Variants in IL1RAPL2 observed in about 807,000 individuals in gnomAD.
IL1RAPL2 encodes interleukin 1 receptor accessory protein like 2.
A neutral mutation model predicts 44.1 loss-of-function variants in IL1RAPL2; 3 were observed. The observed-to-expected ratio is 0.07, with a 90% CI of 0.03 to 0.18. The LOEUF is 0.18. Among genes scored for constraint, IL1RAPL2 ranks in the 10% least tolerant of loss-of-function variants. The pLI, the probability that IL1RAPL2 is intolerant of heterozygous loss-of-function variation, is 1.00. For synonymous variants in IL1RAPL2, 181 were observed against 178.8 expected (o/e 1.01, Z -0.10); for missense variants, 391 against 496.4 (o/e 0.79, Z 2.02).
chrX:104,792,283 A>AT (rs997417891), intron 2 of IL1RAPL2, among the ~76,000 whole-genome samples: 18 of 110,694 alleles, frequency 1.6e-4, no homozygotes, highest in African/African-American at 4.3e-4. Flanking sequence ...ATATTATGTG[A>AT]TTTTTCCCCA....
chrX:104,916,267 C>T (rs918121169), intron 2 of IL1RAPL2, among the ~76,000 whole-genome samples: 8 of 111,650 alleles, frequency 7.2e-5, no homozygotes, highest in African/African-American at 2.6e-4. Context: ...TGTAGTTCTC[C>T]TTGAAGAGGT....
At chrX:104,943,098 G>A (rs939170936) in intron 2 of IL1RAPL2, among the ~76,000 whole-genome samples, 19 of 111,359 alleles carry the variant, frequency 1.7e-4, no homozygotes, top group African/African-American at 5.2e-4. Context: ...CGGTTTGCCA[G>A]TATTTTATTG....
intron 4 of IL1RAPL2, among the ~76,000 whole-genome samples, chrX:105,253,819 G>T (rs1169294866): frequency 6.3e-5 from 7 of 111,704 alleles, no homozygotes; most frequent in Non-Finnish European, 1.3e-4. Context: ...TTCATTCCCT[G>T]CATTAGTTTG....
At chrX:104,848,829 T>C (rs1922138568) in intron 2 of IL1RAPL2, among the ~76,000 whole-genome samples, 1 of 110,538 alleles carries the variant, frequency 9.0e-6, no homozygotes, top group Non-Finnish European at 1.9e-5. Context: ...TTTAGTTTTT[T>C]AAATAAAATT....
chrX:104,687,352 G>C (rs758738159), intron 2 of IL1RAPL2, among the ~76,000 whole-genome samples: 3 of 111,848 alleles, frequency 2.7e-5, no homozygotes, highest in Non-Finnish European at 5.6e-5. Context: ...ACATCACACA[G>C]CCAGAGAGGA....
rs2033724676 is a variant in IL1RAPL2, at chrX:105,202,354, C to CAATCTTAA, written c.356+6607_356+6614dup. Among the ~76,000 whole-genome samples the CAATCTTAA allele has an allele frequency of 2.7e-5, 3 of 112,444 alleles. No homozygotes were observed. In the South Asian group the frequency reaches 1.1e-3, roughly 41 times the overall value. On this transcript the variant is annotated intron_variant, in intron 3 of 10. Coordinates refer to ENST00000372582, the MANE Select transcript of IL1RAPL2 (RefSeq NM_017416.2). The stretch of plus-strand genomic sequence containing the variant: ...TAGTTTAATCCCTTGTATAATTACA[C>CAATCTTAA]AATCTTAAGTGACTTGGTTTTATGG...
chrX:105,496,742 TAGTC>T (rs1408208236), intron 6 of IL1RAPL2, among the ~76,000 whole-genome samples: 1 of 112,086 alleles, frequency 8.9e-6, no homozygotes, highest in African/African-American at 3.2e-5. Context: ...TGATCATTAT[TAGTC>T]AGATCAGAAT....
chrX:105,354,638 A>G (rs2035186899), intron 5 of IL1RAPL2, among the ~76,000 whole-genome samples: 1 of 106,207 alleles, frequency 9.4e-6, no homozygotes, highest in Non-Finnish European at 1.9e-5. Flanking sequence ...GTACCCTAAA[A>G]CTTAAAGTAT....
intron 2 of IL1RAPL2, among the ~76,000 whole-genome samples, chrX:104,793,221 A>T (rs1932834507): frequency 9.0e-6 from 1 of 111,602 alleles, no homozygotes; most frequent in Non-Finnish European, 1.9e-5. Flanking sequence ...TCATAATTCA[A>T]GTTGGGAGTG....
intron 2 of IL1RAPL2, among the ~76,000 whole-genome samples, chrX:105,118,623 T>C (rs1409976231): frequency 1.8e-5 from 2 of 112,013 alleles, no homozygotes; most frequent in African/African-American, 6.5e-5. Flanking sequence ...AAGGAAAACA[T>C]GTTATAAAAA....
At chrX:105,721,340 C>T (rs995266133) in intron 7 of IL1RAPL2, among the ~76,000 whole-genome samples, 7 of 110,029 alleles carry the variant, frequency 6.4e-5, no homozygotes, top group African/African-American at 2.3e-4. Flanking sequence ...TGCTTGAACC[C>T]GGGAGGCAGG....
At chrX:105,459,477 C>T (rs1268951042) in intron 5 of IL1RAPL2, among the ~76,000 whole-genome samples, 1 of 111,399 alleles carries the variant, frequency 9.0e-6, no homozygotes. Flanking sequence ...AGGTCAGCTA[C>T]CTTTTTCCTT....
intron 6 of IL1RAPL2, among the ~76,000 whole-genome samples, chrX:105,498,237 T>A (rs1401754859): frequency 1.8e-5 from 2 of 112,022 alleles, no homozygotes; most frequent in African/African-American, 3.2e-5. Context: ...CATATGCATC[T>A]TTATAGACTA....
chrX:104,828,434 TTTGCCTGGATATCACCAGCGGA>T (rs1359283844), intron 2 of IL1RAPL2, among the ~76,000 whole-genome samples: 1 of 112,169 alleles, frequency 8.9e-6, no homozygotes, highest in African/African-American at 3.2e-5. Context: ...CCAGACCCTG[TTTGCCTGGATATCACCAGCGGA>T]GGCTGCAGAA....
intron 2 of IL1RAPL2, among the ~76,000 whole-genome samples, chrX:105,035,115 G>C (rs1167933151): frequency 1.8e-5 from 2 of 111,385 alleles, no homozygotes; most frequent in African/African-American, 6.5e-5. Flanking sequence ...GGGTGGGAGT[G>C]ACCCAATTTT....
At chrX:104,734,867 T>G (rs960373882) in intron 2 of IL1RAPL2, among the ~76,000 whole-genome samples, 2 of 112,174 alleles carry the variant, frequency 1.8e-5, no homozygotes, top group Non-Finnish European at 3.8e-5. Context: ...TGATCATACA[T>G]CCTAGTGGGC....
chrX:105,674,664 TA>T (rs1025973761), intron 6 of IL1RAPL2, among the ~76,000 whole-genome samples: 3 of 111,158 alleles, frequency 2.7e-5, no homozygotes, highest in Admixed American at 9.5e-5. Flanking sequence ...TTTGGTTCCA[TA>T]AAAAAATTAG....
At position 104,834,549 on chromosome X, in the gene IL1RAPL2, A is replaced by G. The variant is rs778739618; in HGVS notation, c.82+175554A>G. Among the ~76,000 whole-genome samples, 24 of 112,339 alleles carry G rather than the reference A, an allele frequency of 2.1e-4. 1 individual carries two copies. The South Asian group carries it at 8.4e-3, about 40-fold the overall frequency. On this transcript the variant is annotated intron_variant, in intron 2 of 10. Transcript: ENST00000372582. ...AGGAAATCAGTTATAAATATTTTAC[A>G]CACAAACAAATGATTCACTTGCAGT...
chrX:104,774,365 G>A (rs750073220), intron 2 of IL1RAPL2, among the ~76,000 whole-genome samples: 1 of 111,813 alleles, frequency 8.9e-6, no homozygotes, highest in East Asian at 2.8e-4. Flanking sequence ...GAGTCCCTGA[G>A]TTTTGAGTGC....
Sources: allele counts gnomAD v4.1 joint callset (sites outside exome capture counted in the v4.1 genomes callset), GRCh38; gene constraint gnomAD v4.1.1; transcripts MANE v1.5; gene names NCBI Gene and HGNC (gene_info 2026-07-23, HGNC 2026-07-21).